The following TRIM4 variants were observed in gnomAD, a reference collection of about 807,000 sequenced individuals.
TRIM4 encodes tripartite motif containing 4.
Under a neutral mutation model 33.7 loss-of-function variants are expected in TRIM4, and 29 were observed. That is an observed-to-expected ratio of 0.86 (90% confidence interval 0.64 to 1.17). TRIM4 has a LOEUF of 1.17. Among genes scored for constraint, TRIM4 ranks in the 50% most tolerant of loss-of-function variants. The pLI, the probability that TRIM4 is intolerant of heterozygous loss-of-function variation, is 0.00. For synonymous variants in TRIM4, 224 were observed against 233.0 expected (o/e 0.96, Z 0.35); for missense variants, 554 against 593.7 (o/e 0.93, Z 0.69).
At chr7:99,916,304 CT>C (rs1329778119) in intron 1 of TRIM4, among the ~76,000 whole-genome samples, 1 of 152,142 alleles carries the variant, frequency 6.6e-6, no homozygotes, top group African/African-American at 2.4e-5. Context: ...TTTTTTTACT[CT>C]CTATGTGGTC....
chr7:99,902,243 C>G, intron 5 of TRIM4: 1 of 729,402 alleles, frequency 1.4e-6, no homozygotes, highest in East Asian at 2.5e-5. Context: ...CAACATGGTT[C>G]TTTTTAGTTT....
At chr7:99,899,507 G>T (rs1157525464) in intron 5 of TRIM4, among the ~76,000 whole-genome samples, 2 of 152,064 alleles carry the variant, frequency 1.3e-5, no homozygotes, top group Non-Finnish European at 2.9e-5. Flanking sequence ...GTAGGGGACT[G>T]GCACAAGTAT....
At chr7:99,901,957 TTCC>T (rs1819182473) in intron 5 of TRIM4, 1 of 614,674 alleles carries the variant, frequency 1.6e-6, no homozygotes, top group African/African-American at 1.8e-5. Flanking sequence ...CCCAGGTCTA[TTCC>T]TCAACTCAGC....
chr7:99,905,862 G>A (rs1819291273), intron 3 of TRIM4, among the ~76,000 whole-genome samples: 1 of 152,224 alleles, frequency 6.6e-6, no homozygotes, highest in Admixed American at 6.5e-5. Context: ...AGCACAACGA[G>A]TGCTGGGTGT....
intron 1 of TRIM4, among the ~76,000 whole-genome samples, chr7:99,910,263 C>T (rs1819410281): frequency 6.6e-6 from 1 of 152,084 alleles, no homozygotes; most frequent in Admixed American, 6.6e-5. Flanking sequence ...TAAAAACGTG[C>T]CTTTTTTTGA....
rs772216262 is a variant in TRIM4 at position 99,909,524 on chromosome 7, G to A, written c.489+41C>T. On this transcript the variant is annotated intron_variant, in intron 2 of 5. Coordinates refer to ENST00000349062, the MANE Select transcript of TRIM4 (RefSeq NM_033091.3). ...AGCAAGAAATGTCCCAGACCAAAAG[G>A]ACCTCAGGAGCAAGAAATATCCAAC... The A allele has an allele frequency of 6.4e-6, 10 of 1,572,022 alleles. No individual in the cohort carries two copies. The East Asian group carries it at 1.8e-4, about 28-fold the overall frequency.
In TRIM4 at chr7:99,907,081, C is replaced by T. The variant is rs556175719; in HGVS notation, c.720+1501G>A. On this transcript the variant is annotated intron_variant, in intron 3 of 5. Coordinates refer to ENST00000349062, the MANE Select transcript of TRIM4 (RefSeq NM_033091.3). ...AGATAAGTACAGTAGTTCTCTCAGG[C>T]TCTGAGATTCTATGTTCTAGTTTCA... Among the ~76,000 whole-genome samples, 3 of 152,222 alleles carry T rather than the reference C, an allele frequency of 2.0e-5. No individual in the cohort carries two copies. In the South Asian group the frequency reaches 6.2e-4, roughly 32 times the overall value.
At chr7:99,908,937 C>T in intron 2 of TRIM4, 125 bp from the exon 3 acceptor site, 1 of 820,808 alleles carries the variant, frequency 1.2e-6, no homozygotes, top group Non-Finnish European at 1.9e-6. Flanking sequence ...TCCTGCCCAC[C>T]CCCACTAAAA....
intron 1 of TRIM4, among the ~76,000 whole-genome samples, chr7:99,909,976 C>T (rs1584270564): frequency 1.3e-5 from 2 of 152,204 alleles, no homozygotes; most frequent in East Asian, 3.9e-4. Flanking sequence ...AACAGATCCT[C>T]CCACCTCAGC....
In TRIM4 at chr7:99,908,621, C is replaced by T. The variant is rs199977056; in HGVS notation, c.681G>A (p.Val227=). Residue 227 remains valine (V), a synonymous_variant, in exon 3 of 6, where the codon GTG becomes GTA. Coordinates refer to ENST00000349062, the MANE Select transcript of TRIM4 (RefSeq NM_033091.3). ...IASLKKLILE[V]GEKSQAPTLE... ...GGGTGGGAGCCTGGCTCTTCTCCCC[C>T]ACCTCTAAGATGAGCTTCTTCAATG... 95 of 1,613,752 alleles carry T rather than the reference C, an allele frequency of 5.9e-5. 1 individual carries two copies. The African/African-American group carries it at 1.0e-3, about 18-fold the overall frequency.
intron 5 of TRIM4, 131 bp from the exon 6 acceptor site, chr7:99,892,877 C>G: frequency 2.5e-6 from 2 of 802,646 alleles, no homozygotes; most frequent in Non-Finnish European, 3.9e-6. Context: ...TGCTGCCCAA[C>G]TGATCCTCAG....
At chr7:99,918,464 C>A (rs564122658) in intron 1 of TRIM4, among the ~76,000 whole-genome samples, 1 of 151,916 alleles carries the variant, frequency 6.6e-6, no homozygotes, top group East Asian at 1.9e-4. Context: ...ACTCGGGAGG[C>A]TGAGGCAGGA....
chr7:99,901,845 C>T (rs908425543), intron 5 of TRIM4: 2 of 471,036 alleles, frequency 4.2e-6, no homozygotes, highest in South Asian at 6.9e-5. Context: ...AACTAGGAAG[C>T]TCCTCCATAG....
intron 1 of TRIM4, chr7:99,916,729 C>A: frequency 2.6e-6 from 2 of 780,990 alleles, no homozygotes; most frequent in South Asian, 1.3e-5. Context: ...ACAAGAGCAG[C>A]CTAATTAGTC....
chr7:99,903,402 C>T (rs1420250971), intron 4 of TRIM4, 87 bp from the exon 5 acceptor site: 2 of 1,357,686 alleles, frequency 1.5e-6, no homozygotes, highest in African/African-American at 2.9e-5. Flanking sequence ...GCCCAAAGTT[C>T]AGATGGCTTC....
chr7:99,912,673 A>T (rs1819473281), intron 1 of TRIM4, among the ~76,000 whole-genome samples: 1 of 152,276 alleles, frequency 6.6e-6, no homozygotes, highest in Non-Finnish European at 1.5e-5. Flanking sequence ...ACAAATGGAC[A>T]GCTATGTGAT....
At chr7:99,893,958 A>T (rs1055813121) in intron 5 of TRIM4, among the ~76,000 whole-genome samples, 1 of 147,424 alleles carries the variant, frequency 6.8e-6, no homozygotes, top group South Asian at 2.1e-4. Context: ...AGACAATCAC[A>T]TGGTTTTCCT....
intron 1 of TRIM4, among the ~76,000 whole-genome samples, chr7:99,913,133 T>C (rs1047602227): frequency 6.6e-6 from 1 of 152,214 alleles, no homozygotes; most frequent in African/African-American, 2.4e-5. Flanking sequence ...ATTTTCTATG[T>C]CTTAAAAAGC....
intron 1 of TRIM4, 76 bp from the exon 2 acceptor site, chr7:99,909,736 T>TG: frequency 2.5e-6 from 3 of 1,217,808 alleles, no homozygotes; most frequent in Non-Finnish European, 1.1e-6. Flanking sequence ...TTTGTTTTTT[T>TG]TTTTTTTTTT....
Sources: allele counts gnomAD v4.1 joint callset (sites outside exome capture counted in the v4.1 genomes callset), GRCh38; gene constraint gnomAD v4.1.1; transcripts MANE v1.5; gene names NCBI Gene and HGNC (gene_info 2026-07-23, HGNC 2026-07-21).